Variants in MAP3K4 observed in about 807,000 individuals in gnomAD.
MAP3K4 encodes the protein MAP three kinase 1.
In MAP3K4, 67 loss-of-function variants were observed where a neutral mutation model predicts 185.6. The observed-to-expected ratio is 0.36, with a 90% CI of 0.30 to 0.44. MAP3K4 has a LOEUF of 0.44. MAP3K4 is among the 20% of genes least tolerant of loss of function. The pLI is 1.00. For missense variants in MAP3K4, 1,551 were observed against 1,995.1 expected (o/e 0.78, Z 4.24); for synonymous variants, 702 against 710.4 (o/e 0.99, Z 0.19).
At position 161,116,139 on chromosome 6, in the gene MAP3K4, G is replaced by T. The variant is rs1187836586; in HGVS notation, c.4807-711G>T. On this transcript the variant is annotated intron_variant, in intron 26 of 26. Transcript: ENST00000392142. This position sits in a 1 kb window ranked among gnomAD's most constrained non-coding sequence, Gnocchi z 6.2. ...GGGAGGAGTCTAGAGTGGCTCCCAG[G>T]TTTCTGGTTTGTGTCATCAGGTCAC... is the stretch of plus-strand genomic sequence containing the variant. Among the ~76,000 whole-genome samples the T allele has an allele frequency of 6.6e-6, 1 of 151,604 alleles. No individual in the cohort carries two copies. The highest frequency in any genetic ancestry group is 2.4e-5 in the African/African-American group (1 of 41,316).
In MAP3K4 at chr6:161,112,808, T is replaced by C; in HGVS notation, c.4626+34T>C. 6.9e-7 allele frequency: 1 copy of C among 1,440,762 alleles called. No homozygotes were observed. The highest frequency in any genetic ancestry group is 9.4e-7 in the Non-Finnish European group (1 of 1,062,562). 89.2% of individuals were successfully genotyped at this position (1,440,762 alleles called of 1,614,324 possible). ...AGCCCCCACACCTGGCGGAGCAACTTCAGAAGGGCACTGTGCATTAACAGA... is the reference window on the plus strand; with the variant it reads ...AGCCCCCACACCTGGCGGAGCAACTCCAGAAGGGCACTGTGCATTAACAGA... On this transcript the variant is annotated intron_variant, in intron 25 of 26. Transcript: ENST00000392142. This position sits in a 1 kb window ranked among gnomAD's most constrained non-coding sequence, Gnocchi z 5.1.
At position 161,106,028 on chromosome 6, in the gene MAP3K4, G is replaced by C. The variant is rs947924186; in HGVS notation, c.3857-486G>C. Among the ~76,000 whole-genome samples the C allele has an allele frequency of 6.6e-6, 1 of 151,774 alleles. No homozygotes were observed. Among genetic ancestry groups the C allele is most frequent in the East Asian group, 1.9e-4 (1 of 5,174 alleles). On this transcript the variant is annotated intron_variant, in intron 19 of 26. Transcript: ENST00000392142. The surrounding 1 kb of genome is among the most constrained non-coding windows in gnomAD (Gnocchi z 4.9). ...CTTTTGTATTTTTTTGTAGAGATGG[G>C]GTTTTGCCATTTTGCCCAGTCTGGT...
rs1157536689 is a variant in MAP3K4, at chr6:161,064,861, G to A, written c.1708-5747G>A. 6.6e-6 allele frequency among the ~76,000 whole-genome samples: 1 copy of A among 152,202 alleles called. No individual in the cohort carries two copies. The highest frequency in any genetic ancestry group is 2.4e-5 in the African/African-American group (1 of 41,450). On this transcript the variant is annotated intron_variant, in intron 3 of 26. Coordinates refer to ENST00000392142, the MANE Select transcript of MAP3K4 (RefSeq NM_005922.4). This position sits in a 1 kb window ranked among gnomAD's most constrained non-coding sequence, Gnocchi z 4.3. Reference sequence around the variant, plus strand: ...TACAGGCCGCTCATGCAGAGGTCAGGAAGTGCAGACAGGGAGAGAGGGAGG... The same window carrying A: ...TACAGGCCGCTCATGCAGAGGTCAGAAAGTGCAGACAGGGAGAGAGGGAGG...
rs1777431726 is a variant in MAP3K4 at position 161,093,690 on chromosome 6, T to G, written c.3349-83T>G. ...GGGTAGCATGTTTTTAAAAATATAC[T>G]GAAAATTAATTTGTGCTACTTACAT... On this transcript the variant is annotated intron_variant, in intron 14 of 26. Transcript: ENST00000392142. The surrounding 1 kb of genome is among the most constrained non-coding windows in gnomAD (Gnocchi z 5.2). 2.5e-6 allele frequency: 2 copies of G among 791,332 alleles called. No individual in the cohort carries two copies. Among genetic ancestry groups the G allele is most frequent in the Non-Finnish European group, 4.2e-6 (2 of 479,958 alleles). 49.0% of individuals were successfully genotyped at this position (791,332 alleles called of 1,614,324 possible).
Position 161,048,670 on chromosome 6 carries a change from A to C in MAP3K4, c.398A>C (p.Glu133Ala). 6.2e-7 allele frequency: 1 copy of C among 1,613,434 alleles called. No homozygotes were observed. Residue 133 changes from glutamate (E) to alanine (A), a missense_variant, in exon 3 of 27, where the codon GAG (glutamate) becomes GCG (alanine). Glu to Ala is a moderately radical substitution (Grantham distance 107). Coordinates refer to ENST00000392142, the MANE Select transcript of MAP3K4 (RefSeq NM_005922.4). The surrounding 1 kb of genome is among the most constrained non-coding windows in gnomAD (Gnocchi z 4.7). ...CATAAAGACACTGGAAAAACAGTGGAGAATGTGGAAGAATACAGCTATAAG... is the reference window on the plus strand; with the variant it reads ...CATAAAGACACTGGAAAAACAGTGGCGAATGTGGAAGAATACAGCTATAAG... ...PPHKDTGKTV[E>A]NVEEYSYKQE...
rs1778225897 is a variant in MAP3K4, at chr6:161,108,925, C to G, written c.4236+66C>G. Reference sequence around the variant, plus strand: ...TGAGGGCACAGAATGGAGTCCTGTTCTACATCACAGGTCTTCTCATTTCAG... The same window carrying G: ...TGAGGGCACAGAATGGAGTCCTGTTGTACATCACAGGTCTTCTCATTTCAG... On this transcript the variant is annotated intron_variant, in intron 22 of 26. Coordinates refer to ENST00000392142, the MANE Select transcript of MAP3K4 (RefSeq NM_005922.4). This position sits in a 1 kb window ranked among gnomAD's most constrained non-coding sequence, Gnocchi z 5.7. 1.9e-6 allele frequency: 3 copies of G among 1,586,484 alleles called. No homozygotes were observed. The highest frequency in any genetic ancestry group is 2.2e-5 in the South Asian group (2 of 90,494).
Position 161,101,785 on chromosome 6 carries a change from G to A in MAP3K4, c.3675-107G>A. 3 of 880,692 alleles carry A rather than the reference G, an allele frequency of 3.4e-6. No homozygotes were observed. Among genetic ancestry groups the A allele is most frequent in the Non-Finnish European group, 5.4e-6 (3 of 560,162 alleles). 54.6% of individuals were successfully genotyped at this position (880,692 alleles called of 1,614,324 possible). On this transcript the variant is annotated intron_variant, in intron 17 of 26. Coordinates refer to ENST00000392142, the MANE Select transcript of MAP3K4 (RefSeq NM_005922.4). This position sits in a 1 kb window ranked among gnomAD's most constrained non-coding sequence, Gnocchi z 5.1. The stretch of plus-strand genomic sequence containing the variant: ...GCTGGAGGCAGAGTTGTTCCTGGCA[G>A]GCAGAGTTGCCCCCAGTTGAGAATT...
Position 161,109,813 on chromosome 6 carries a change from G to A in MAP3K4, c.4295G>A (p.Arg1432Lys). 1 of 1,614,158 alleles carries A rather than the reference G, an allele frequency of 6.2e-7. No individual in the cohort carries two copies. The highest frequency in any genetic ancestry group is 1.3e-5 in the African/African-American group (1 of 75,016). ...GAGGGGACTTTAGAAGAGGTGTCAA[G>A]GCTGGGACTTCAGGAACATGTGATT... ...CDEGTLEEVS[R>K]LGLQEHVIRL... Residue 1432 changes from arginine (R) to lysine (K), a missense_variant, in exon 23 of 27, where the codon AGG becomes AAG. Transcript: ENST00000392142. This position sits in a 1 kb window ranked among gnomAD's most constrained non-coding sequence, Gnocchi z 5.7.
intron 1 of MAP3K4, among the ~76,000 whole-genome samples, chr6:161,021,858 G>A (rs1782413093): frequency 6.6e-6 from 1 of 151,636 alleles, no homozygotes; most frequent in African/African-American, 2.4e-5. Flanking sequence ...CACACAATGT[G>A]GTATGAAACA....
chr6:161,095,039 C>T (rs1326000364), intron 15 of MAP3K4, among the ~76,000 whole-genome samples: 1 of 152,064 alleles, frequency 6.6e-6, no homozygotes, highest in Non-Finnish European at 1.5e-5. Flanking sequence ...TTACAAAAGA[C>T]AAAATAAAAA....
chr6:161,089,183 G>C, intron 10 of MAP3K4, 139 bp from the exon 11 acceptor site: 1 of 901,256 alleles, frequency 1.1e-6, no homozygotes, highest in Non-Finnish European at 1.7e-6. Flanking sequence ...GAGAAGCTTT[G>C]CTTAAAAATG....
At position 161,082,155 on chromosome 6, in the gene MAP3K4, C is replaced by T. The variant is rs1373924441; in HGVS notation, c.2255+1117C>T. Among the ~76,000 whole-genome samples, 2 of 151,966 alleles carry T rather than the reference C, an allele frequency of 1.3e-5. No homozygotes were observed. Among genetic ancestry groups the T allele is most frequent in the Non-Finnish European group, 1.5e-5 (1 of 68,010 alleles). On this transcript the variant is annotated intron_variant, in intron 6 of 26. Coordinates refer to ENST00000392142, the MANE Select transcript of MAP3K4 (RefSeq NM_005922.4). This position sits in a 1 kb window ranked among gnomAD's most constrained non-coding sequence, Gnocchi z 4.2. ...CTTGCTCTCCTCTCATAACTCCATC[C>T]GTCAGGCTGTGATCCCCAGGCTGTC...
intron 2 of MAP3K4, among the ~76,000 whole-genome samples, chr6:161,046,063 A>G (rs1783715844): frequency 6.6e-6 from 1 of 152,134 alleles, no homozygotes; most frequent in African/African-American, 2.4e-5. Flanking sequence ...TTAGTTACCT[A>G]TAGATATTTC....
intron 23 of MAP3K4, among the ~76,000 whole-genome samples, chr6:161,111,447 T>A (rs1778346854): frequency 6.6e-6 from 1 of 152,238 alleles, no homozygotes; most frequent in African/African-American, 2.4e-5. Context: ...TGTGCAGCTC[T>A]CATCTACATG....
intron 3 of MAP3K4, among the ~76,000 whole-genome samples, chr6:161,050,985 G>T (rs1399092948): frequency 1.3e-5 from 2 of 152,186 alleles, no homozygotes; most frequent in South Asian, 2.1e-4. Flanking sequence ...TGCAGTATTT[G>T]CATATAACCA....
intron 1 of MAP3K4, among the ~76,000 whole-genome samples, chr6:161,031,988 A>C (rs1435877094): frequency 6.6e-6 from 1 of 152,154 alleles, no homozygotes; most frequent in Non-Finnish European, 1.5e-5. Flanking sequence ...TCTGGCTTTG[A>C]TGTATTTAAC....
intron 3 of MAP3K4, among the ~76,000 whole-genome samples, chr6:161,065,971 A>G (rs922328300): frequency 1.3e-5 from 2 of 151,868 alleles, no homozygotes; most frequent in African/African-American, 2.4e-5. Context: ...TATTTGCAGA[A>G]TGGATACCAG....
At chr6:160,999,883 T>C (rs1781186963) in intron 1 of MAP3K4, among the ~76,000 whole-genome samples, 1 of 152,192 alleles carries the variant, frequency 6.6e-6, no homozygotes, top group South Asian at 2.1e-4. Flanking sequence ...ATAGAAAATA[T>C]GAAATCCTCT....
rs1778580031 is a variant in MAP3K4, at chr6:161,116,054, C to T, written c.4806+752C>T. Among the ~76,000 whole-genome samples the T allele has an allele frequency of 6.6e-6, 1 of 152,062 alleles. No homozygotes were observed. Among genetic ancestry groups the T allele is most frequent in the Non-Finnish European group, 1.5e-5 (1 of 68,014 alleles). On this transcript the variant is annotated intron_variant, in intron 26 of 26. Coordinates refer to ENST00000392142, the MANE Select transcript of MAP3K4 (RefSeq NM_005922.4). The surrounding 1 kb of genome is among the most constrained non-coding windows in gnomAD (Gnocchi z 6.2). ...GAGGGCGTTCCGGGTGAGTGAACAG[C>T]GGCATTTAAGAGTTAGAGTGCCGTG...
Sources: gnomAD v4.1 joint callset for allele counts (sites outside exome capture counted in the v4.1 genomes callset) on GRCh38, gnomAD v4.1.1 for gene constraint, Gnocchi (gnomAD v3.1) non-coding constraint, MANE v1.5 for transcripts, NCBI Gene and HGNC (gene_info 2026-07-23, HGNC 2026-07-21) for gene names.